KIZ: variants seen among roughly 807,000 people sequenced by gnomAD.
The protein encoded by KIZ is kizuna centrosomal protein, also known as centrosomal protein kizuna.
KIZ carries 68 observed loss-of-function variants against 79.6 expected under a neutral mutation model. The ratio of observed to expected loss-of-function variants is 0.85; its 90% CI spans 0.70 to 1.05. The LOEUF (loss-of-function observed/expected upper bound fraction) is 1.05. Ranked by LOEUF, KIZ falls within the 50% of genes least tolerant of loss-of-function variation. The pLI is 0.00. For synonymous variants in KIZ, 280 were observed against 281.8 expected, an observed-to-expected ratio of 0.99 and a Z score of 0.06; for missense variants, 797 against 800.4, an observed-to-expected ratio of 1.00 and a Z score of 0.05.
chr20:21,227,228 A>T (rs1355045096), intron 9 of KIZ, among the ~76,000 whole-genome samples: 1 of 152,156 alleles, frequency 6.6e-6, no homozygotes, highest in African/African-American at 2.4e-5. Flanking sequence ...TATTTCTCAC[A>T]GAAATCCCCT....
chr20:21,232,339 G>T (rs1027426365), intron 10 of KIZ, among the ~76,000 whole-genome samples: 2 of 152,244 alleles, frequency 1.3e-5, no homozygotes, highest in Non-Finnish European at 2.9e-5. Context: ...GGATAAGGTG[G>T]GTGACTGTTA....
chr20:21,214,699 A>G lies in KIZ; in HGVS notation c.1611A>G (p.Gln537=). The part of the protein sequence containing the change: ...VWLNSVPTRE[Q]EVSSGCGDKS... Reference sequence around the variant, plus strand: ...TCAACAGTGTTCCTACAAGGGAACAAGGTAACTATTGTTAAAGTGTGTGTC... The same window carrying G: ...TCAACAGTGTTCCTACAAGGGAACAGGGTAACTATTGTTAAAGTGTGTGTC... The change falls in exon 8 of 13, where the codon CAA becomes CAG. Residue 537 remains glutamine, a splice_region_variant and synonymous_variant. Transcript: ENST00000619189. The G allele has an allele frequency of 2.5e-6, 4 of 1,605,768 alleles. No individual in the cohort carries two copies. The highest frequency in any genetic ancestry group is 3.4e-6 in the Non-Finnish European group (4 of 1,172,832).
chr20:21,179,147 A>G (rs780667943), intron 6 of KIZ, among the ~76,000 whole-genome samples: 1 of 150,418 alleles, frequency 6.6e-6, no homozygotes, highest in African/African-American at 2.4e-5. Context: ...AAGTATTGGC[A>G]TTAATTCTTT....
intron 11 of KIZ, among the ~76,000 whole-genome samples, chr20:21,240,159 C>G (rs1025866188): frequency 6.6e-6 from 1 of 152,052 alleles, no homozygotes; most frequent in Non-Finnish European, 1.5e-5. Context: ...GTGTCTCGCT[C>G]TGTCACCCAG....
rs140969628 is a variant in KIZ at position 21,148,354 on chromosome 20, T to C, written c.405+2700T>C. Among the ~76,000 whole-genome samples, 3 of 152,332 alleles carry C rather than the reference T, an allele frequency of 2.0e-5. No homozygotes were observed. In the East Asian group the frequency reaches 5.8e-4, roughly 29 times the overall value. On this transcript the variant is annotated intron_variant, in intron 4 of 12. Transcript: ENST00000619189. Reference sequence around the variant, plus strand: ...ATTTTTTAAATATAAAAACTCTGGCTCAGTTTTGGTGTAGGACATCTATTA... The same window carrying C: ...ATTTTTTAAATATAAAAACTCTGGCCCAGTTTTGGTGTAGGACATCTATTA...
At chr20:21,179,524 A>T (rs6047299) in intron 6 of KIZ, among the ~76,000 whole-genome samples, 2 of 151,502 alleles carry the variant, frequency 1.3e-5, no homozygotes, top group African/African-American at 2.4e-5. Flanking sequence ...TTTTCAAAAA[A>T]GTCTTAGTTT....
intron 6 of KIZ, among the ~76,000 whole-genome samples, chr20:21,200,113 ACTGGC>A (rs2035529668): frequency 1.3e-5 from 2 of 152,254 alleles, no homozygotes; most frequent in South Asian, 4.1e-4. Flanking sequence ...GAGCCATCAC[ACTGGC>A]CTAGTGTCAT....
chr20:21,166,209 G>C (rs2122737819), intron 6 of KIZ: 1 of 1,473,570 alleles, frequency 6.8e-7, no homozygotes, highest in East Asian at 2.3e-5. Context: ...TACATCCCTA[G>C]AAAAAGAATT....
intron 3 of KIZ, among the ~76,000 whole-genome samples, chr20:21,142,366 T>C (rs927717899): frequency 3.3e-5 from 5 of 152,076 alleles, no homozygotes; most frequent in African/African-American, 7.3e-5. Context: ...ATCTGACCCA[T>C]AATATGGCAC....
chr20:21,205,375 T>C, intron 6 of KIZ, 116 bp from the exon 7 acceptor site: 2 of 510,562 alleles, frequency 3.9e-6, no homozygotes, highest in Non-Finnish European at 6.9e-6. Flanking sequence ...CCAGAATATG[T>C]TGAGTTCCAG....
intron 9 of KIZ, 35 bp downstream of exon 9, chr20:21,215,683 A>G: frequency 2.8e-6 from 4 of 1,411,424 alleles, no homozygotes; most frequent in Non-Finnish European, 4.0e-6. Context: ...TTCAGACACA[A>G]GATTTAGCAT....
chr20:21,240,513 A>G (rs2037178187), intron 11 of KIZ, among the ~76,000 whole-genome samples: 1 of 152,236 alleles, frequency 6.6e-6, no homozygotes. Context: ...CTTATTTTGA[A>G]GTAGGACCTC....
chr20:21,172,487 A>G (rs982589289), intron 6 of KIZ, among the ~76,000 whole-genome samples: 3 of 151,858 alleles, frequency 2.0e-5, no homozygotes, highest in African/African-American at 7.3e-5. Flanking sequence ...CGCTTGAGCT[A>G]TTTGGGGAGG....
At chr20:21,164,221 A>G (rs2122716753) in intron 6 of KIZ, among the ~76,000 whole-genome samples, 1 of 152,284 alleles carries the variant, frequency 6.6e-6, no homozygotes, top group African/African-American at 2.4e-5. Flanking sequence ...CTTTTAATAT[A>G]TTGCCTCTTA....
chr20:21,147,511 G>T (rs1361394962), intron 4 of KIZ, among the ~76,000 whole-genome samples: 2 of 152,142 alleles, frequency 1.3e-5, no homozygotes, highest in African/African-American at 4.8e-5. Flanking sequence ...GGAAATCCAA[G>T]CTTCTCTTCT....
chr20:21,148,123 G>C (rs1023713849), intron 4 of KIZ, among the ~76,000 whole-genome samples: 1 of 152,054 alleles, frequency 6.6e-6, no homozygotes, highest in Non-Finnish European at 1.5e-5. Context: ...AGGAAATCAG[G>C]CTCCATTCAG....
chr20:21,166,603 G>A lies in KIZ; in HGVS notation c.1352+3444G>A, dbSNP rs1028475164. ...GGACATTCATGCGCACCATTGTGGCGGTGCGGAAAGAGCTTTTGTATTTTT... is the reference window on the plus strand; with the variant it reads ...GGACATTCATGCGCACCATTGTGGCAGTGCGGAAAGAGCTTTTGTATTTTT... On this transcript the variant is annotated intron_variant, in intron 6 of 12. Coordinates refer to ENST00000619189, the MANE Select transcript of KIZ (RefSeq NM_018474.6). 22 of 1,206,312 alleles carry A rather than the reference G, an allele frequency of 1.8e-5. No individual in the cohort carries two copies. In the South Asian group the frequency reaches 1.9e-4, roughly 11 times the overall value. The allele number at this position is 1,206,312 out of a possible 1,614,324, so 74.7% of individuals were successfully genotyped here.
chr20:21,240,382 C>G (rs1478532467), intron 11 of KIZ, among the ~76,000 whole-genome samples: 1 of 152,224 alleles, frequency 6.6e-6, no homozygotes, highest in Admixed American at 6.5e-5. Flanking sequence ...CCTCAGCCTC[C>G]CAAAGTGCTG....
At chr20:21,190,331 GCC>G in intron 6 of KIZ, among the ~76,000 whole-genome samples, 1 of 152,344 alleles carries the variant, frequency 6.6e-6, no homozygotes, top group South Asian at 2.1e-4. Flanking sequence ...AAAGCTAGCA[GCC>G]CGGAATTCAG....
Sources: gnomAD v4.1 joint callset for allele counts (sites outside exome capture counted in the v4.1 genomes callset) on GRCh38, gnomAD v4.1.1 for gene constraint, MANE v1.5 for transcripts, NCBI Gene and HGNC (gene_info 2026-07-23, HGNC 2026-07-21) for gene names.